Variants in MYO5B observed in about 807,000 individuals in gnomAD.
MYO5B encodes unconventional myosin-Vb.
Under a neutral mutation model 229.3 loss-of-function variants are expected in MYO5B, and 143 were observed. The ratio of observed to expected loss-of-function variants is 0.62; its 90% CI spans 0.54 to 0.72. The LOEUF is 0.72. MYO5B is among the 30% of genes least tolerant of loss of function. MYO5B has a pLI of 0.00. For missense variants in MYO5B, 2,321 were observed against 2,331.0 expected, an observed-to-expected ratio of 1.00 and a Z score of 0.09; for synonymous variants, 918 against 885.2, an observed-to-expected ratio of 1.04 and a Z score of -0.66.
At chr18:50,144,447 G>T (rs1391693183) in intron 1 of MYO5B, among the ~76,000 whole-genome samples, 1 of 152,090 alleles carries the variant, frequency 6.6e-6, no homozygotes, top group Non-Finnish European at 1.5e-5. Context: ...GGATAGGCAG[G>T]GTTCTGGCAG....
At position 50,184,095 on chromosome 18, in the gene MYO5B, A is replaced by G. The variant is rs2033113958; in HGVS notation, c.27+10672T>C. 2.0e-5 allele frequency among the ~76,000 whole-genome samples: 3 copies of G among 152,208 alleles called. No individual in the cohort carries two copies. The South Asian group carries it at 6.2e-4, about 32-fold the overall frequency. ...CTCGGGTATTCTGTTGCAGCAACAC[A>G]AAATGGACTAAGACAGTGTACTTTG... On this transcript the variant is annotated intron_variant, in intron 1 of 39. Coordinates refer to ENST00000285039, the MANE Select transcript of MYO5B (RefSeq NM_001080467.3).
intron 17 of MYO5B, among the ~76,000 whole-genome samples, chr18:49,914,396 T>C (rs1353665661): frequency 1.3e-5 from 2 of 152,148 alleles, no homozygotes; most frequent in Non-Finnish European, 2.9e-5. Context: ...CATTTCGAGA[T>C]ATTAAAAGAG....
intron 22 of MYO5B, among the ~76,000 whole-genome samples, chr18:49,893,808 C>T (rs2024745419): frequency 6.6e-6 from 1 of 152,194 alleles, no homozygotes; most frequent in Non-Finnish European, 1.5e-5. Flanking sequence ...TCTATAACCT[C>T]CACGGATGTC....
At chr18:50,152,325 C>T (rs1197976053) in intron 1 of MYO5B, among the ~76,000 whole-genome samples, 2 of 152,224 alleles carry the variant, frequency 1.3e-5, no homozygotes, top group East Asian at 3.8e-4. Context: ...ACAACGAGGG[C>T]ACTCCCTGAA....
intron 4 of MYO5B, among the ~76,000 whole-genome samples, chr18:50,033,240 C>G (rs1337262574): frequency 6.6e-6 from 1 of 152,102 alleles, no homozygotes; most frequent in Non-Finnish European, 1.5e-5. Context: ...TTTCATGATG[C>G]CTTTTGACGC....
Position 49,912,072 on chromosome 18 carries a change from T to G in MYO5B, c.2192A>C (p.Asn731Thr), listed in dbSNP as rs1191446929. 6.2e-7 allele frequency: 1 copy of G among 1,613,772 alleles called. No homozygotes were observed. Among genetic ancestry groups the G allele is most frequent in the South Asian group, 1.1e-5 (1 of 91,066 alleles). ...GGCTGTGTGGCTCACCTTGATGAGG[T>G]TCTCCAGGACAGACCTGCAGATGGC... ...KKAICRSVLE[N>T]LIKDPDKFQF... Residue 731 changes from asparagine (N) to threonine (T), a missense_variant, in exon 18 of 40, where the codon AAC (asparagine) becomes ACC (threonine). Transcript: ENST00000285039.
intron 1 of MYO5B, among the ~76,000 whole-genome samples, chr18:50,108,858 T>C (rs1236417547): frequency 6.6e-6 from 1 of 152,212 alleles, no homozygotes; most frequent in African/African-American, 2.4e-5. Context: ...TGAGGCTATA[T>C]GTGCTGCTTC....
chr18:49,887,787 T>C (rs1384489288), intron 22 of MYO5B, among the ~76,000 whole-genome samples: 1 of 152,082 alleles, frequency 6.6e-6, no homozygotes, highest in Non-Finnish European at 1.5e-5. Flanking sequence ...TTCAAGCAAT[T>C]CTCCTGCCTC....
chr18:50,095,452 C>T (rs2031532572), intron 1 of MYO5B, among the ~76,000 whole-genome samples: 1 of 152,178 alleles, frequency 6.6e-6, no homozygotes, highest in Non-Finnish European at 1.5e-5. Flanking sequence ...TCTGCTTCTC[C>T]ACTAGATACC....
intron 22 of MYO5B, among the ~76,000 whole-genome samples, chr18:49,885,437 C>A (rs1407093762): frequency 6.6e-6 from 1 of 152,094 alleles, no homozygotes; most frequent in Non-Finnish European, 1.5e-5. Flanking sequence ...ACCTGCACCC[C>A]CATCAGACAG....
intron 1 of MYO5B, among the ~76,000 whole-genome samples, chr18:50,089,796 G>C (rs564768894): frequency 1.3e-5 from 2 of 152,282 alleles, no homozygotes; most frequent in Admixed American, 1.3e-4. Flanking sequence ...CCAACAAGGC[G>C]ATTCCCTGGG....
intron 1 of MYO5B, among the ~76,000 whole-genome samples, chr18:50,056,006 C>T (rs188508942): frequency 6.6e-6 from 1 of 152,298 alleles, no homozygotes; most frequent in Admixed American, 6.5e-5. Context: ...CAGCCTCCAA[C>T]TCCTGTGATC....
intron 2 of MYO5B, among the ~76,000 whole-genome samples, chr18:50,040,919 T>A (rs2029996975): frequency 1.3e-5 from 2 of 152,174 alleles, no homozygotes; most frequent in African/African-American, 4.8e-5. Context: ...ATGCGAGGTG[T>A]TATCCTTGTA....
chr18:49,841,571 G>A, intron 34 of MYO5B, 117 bp from the exon 35 acceptor site: 1 of 904,352 alleles, frequency 1.1e-6, no homozygotes, highest in Non-Finnish European at 1.8e-6. Context: ...GCAGCCCTGA[G>A]GCTGGGCAGG....
At chr18:49,845,382 ATCTGT>A (rs2024112300) in intron 33 of MYO5B, among the ~76,000 whole-genome samples, 1 of 152,208 alleles carries the variant, frequency 6.6e-6, no homozygotes, top group African/African-American at 2.4e-5. Flanking sequence ...AGATGTCACA[ATCTGT>A]TCTTCCTGGG....
In MYO5B at chr18:49,880,464, G is replaced by C. The variant is rs764854357; in HGVS notation, c.3046-9C>G. ...TCCAGGTCTGCAACTCGCTGGAAGAGAGCAATAGGGGAAAAATGTCTCATG... is the reference window on the plus strand; with the variant it reads ...TCCAGGTCTGCAACTCGCTGGAAGACAGCAATAGGGGAAAAATGTCTCATG... On this transcript the variant is annotated splice_polypyrimidine_tract_variant and intron_variant, in intron 22 of 39. Transcript: ENST00000285039. The C allele has an allele frequency of 1.1e-5, 18 of 1,609,892 alleles. No individual in the cohort carries two copies. Among genetic ancestry groups the C allele is most frequent in the Admixed American group, 1.0e-4 (6 of 60,008 alleles).
intron 4 of MYO5B, 54 bp from the exon 5 acceptor site, chr18:50,001,465 G>T: frequency 6.3e-7 from 1 of 1,599,174 alleles, no homozygotes; most frequent in Non-Finnish European, 8.6e-7. Flanking sequence ...CTCTGCTACC[G>T]TCCAGGGACT....
intron 14 of MYO5B, among the ~76,000 whole-genome samples, chr18:49,940,294 C>G (rs552650499): frequency 6.6e-5 from 10 of 152,288 alleles, no homozygotes; most frequent in African/African-American, 2.4e-4. Flanking sequence ...AGATACCTGA[C>G]AGTACAGAGT....
At chr18:49,971,520 T>C (rs1213999673) in intron 10 of MYO5B, among the ~76,000 whole-genome samples, 1 of 152,186 alleles carries the variant, frequency 6.6e-6, no homozygotes, top group Admixed American at 6.5e-5. Flanking sequence ...GATTAGAAAG[T>C]ACCTCCAGAC....
Sources: gnomAD v4.1 joint callset for allele counts (sites outside exome capture counted in the v4.1 genomes callset) on GRCh38, gnomAD v4.1.1 for gene constraint, MANE v1.5 for transcripts, NCBI Gene and HGNC (gene_info 2026-07-23, HGNC 2026-07-21) for gene names.